Variants in PCP4 observed in about 807,000 individuals in gnomAD.
PCP4 encodes calmodulin regulator protein PCP4.
Under a neutral mutation model 10.0 loss-of-function variants are expected in PCP4, and 8 were observed. The ratio of observed to expected loss-of-function variants is 0.80; its 90% CI spans 0.47 to 1.45. PCP4 has a LOEUF of 1.45. Ranked by LOEUF, PCP4 falls within the 40% of genes most tolerant of loss-of-function variation. The pLI, the probability that PCP4 is intolerant of heterozygous loss-of-function variation, is 0.00. For synonymous variants in PCP4, 21 were observed against 23.0 expected (o/e 0.91, Z 0.24); for missense variants, 54 against 74.4 (o/e 0.73, Z 1.01).
intron 2 of PCP4, among the ~76,000 whole-genome samples, chr21:39,910,673 G>A (rs1226883366): frequency 1.3e-5 from 2 of 152,326 alleles, no homozygotes; most frequent in Admixed American, 6.5e-5. Flanking sequence ...TTTAGCATCC[G>A]ATTTTGGCTG....
intron 1 of PCP4, among the ~76,000 whole-genome samples, chr21:39,874,380 C>T (rs1318489508): frequency 1.3e-5 from 2 of 152,168 alleles, no homozygotes; most frequent in Non-Finnish European, 2.9e-5. Context: ...TCCAGATTGG[C>T]TTGAGATCAC....
At chr21:39,903,876 C>CAAAAAAAAAA (rs67572508) in intron 2 of PCP4, among the ~76,000 whole-genome samples, 30 of 95,576 alleles carry the variant, frequency 3.1e-4, no homozygotes, top group Non-Finnish European at 4.8e-4. Flanking sequence ...TCAAAAAAAA[C>CAAAAAAAAAA]AAAAAAAAAA....
At chr21:39,886,137 T>C (rs2087399615) in intron 1 of PCP4, among the ~76,000 whole-genome samples, 2 of 152,310 alleles carry the variant, frequency 1.3e-5, no homozygotes, top group South Asian at 4.1e-4. Flanking sequence ...TATCTTCCAA[T>C]AGGATGACAC....
At chr21:39,928,561 C>T (rs1313340171) in intron 2 of PCP4, among the ~76,000 whole-genome samples, 1 of 152,194 alleles carries the variant, frequency 6.6e-6, no homozygotes, top group East Asian at 1.9e-4. Flanking sequence ...CAGAATTATA[C>T]ACGGAAACTC....
intron 2 of PCP4, among the ~76,000 whole-genome samples, chr21:39,901,275 T>C (rs2087481250): frequency 6.6e-6 from 1 of 152,218 alleles, no homozygotes; most frequent in Non-Finnish European, 1.5e-5. Context: ...TTTTGATCTT[T>C]TGGGCTCCCT....
At chr21:39,896,439 C>T (rs532786953) in intron 1 of PCP4, among the ~76,000 whole-genome samples, 51 of 152,226 alleles carry the variant, frequency 3.4e-4, no homozygotes, top group Non-Finnish European at 6.0e-4. Flanking sequence ...GTGCAGCAAA[C>T]GTACGAGCCT....
chr21:39,869,829 T>A (rs555365137), intron 1 of PCP4, among the ~76,000 whole-genome samples: 8 of 152,330 alleles, frequency 5.3e-5, no homozygotes, highest in African/African-American at 1.7e-4. Flanking sequence ...TTTTAATAAC[T>A]CTCAGGCAGA....
At chr21:39,895,022 T>G (rs1404115538) in intron 1 of PCP4, among the ~76,000 whole-genome samples, 1 of 152,146 alleles carries the variant, frequency 6.6e-6, no homozygotes, top group Non-Finnish European at 1.5e-5. Context: ...CACCCATTTA[T>G]CTACTCATCT....
intron 2 of PCP4, among the ~76,000 whole-genome samples, chr21:39,927,117 T>C (rs995402023): frequency 1.3e-5 from 2 of 152,098 alleles, no homozygotes; most frequent in Non-Finnish European, 2.9e-5. Context: ...AGAGGATGAT[T>C]GAAGGGTCCC....
intron 1 of PCP4, among the ~76,000 whole-genome samples, chr21:39,880,142 ATATC>A (rs1472288931): frequency 5.5e-5 from 6 of 109,262 alleles, no homozygotes; most frequent in South Asian, 2.6e-4. Flanking sequence ...ATCTATATCT[ATATC>A]TATATCTATA....
intron 1 of PCP4, among the ~76,000 whole-genome samples, chr21:39,890,522 ATT>A (rs60378259): frequency 2.2e-4 from 31 of 142,838 alleles, no homozygotes; most frequent in Middle Eastern, 3.6e-3. Flanking sequence ...CACCCAGCTC[ATT>A]TTTTTTTTTT....
chr21:39,897,890 C>A lies in PCP4; in HGVS notation c.10-586C>A, dbSNP rs545016990. On this transcript the variant is annotated intron_variant, in intron 1 of 2. Transcript: ENST00000328619. The stretch of plus-strand genomic sequence containing the variant: ...CAAAACTCTGTCTCTACTAAAAATA[C>A]AAAAAATTAGCCGTACGTGGTCGTG... 1.4e-3 allele frequency among the ~76,000 whole-genome samples: 207 copies of A among 151,722 alleles called. 1 individual carries two copies. The highest frequency in any genetic ancestry group is 4.9e-3 in the African/African-American group (201 of 41,392).
At position 39,910,172 on chromosome 21, in the gene PCP4, C is replaced by T. The variant is rs374767549; in HGVS notation, c.61+11645C>T. ...CTGGCGTTCATTTAGACAGCAAAGTCTCCTCGGATGTCAGAGAGACACTTT... is the reference window on the plus strand; with the variant it reads ...CTGGCGTTCATTTAGACAGCAAAGTTTCCTCGGATGTCAGAGAGACACTTT... On this transcript the variant is annotated intron_variant, in intron 2 of 2. Coordinates refer to ENST00000328619, the MANE Select transcript of PCP4 (RefSeq NM_006198.3). Among the ~76,000 whole-genome samples the T allele has an allele frequency of 8.1e-4, 123 of 152,324 alleles. 3 individuals are homozygous for T. In the South Asian group the frequency reaches 0.025, roughly 31 times the overall value.
At chr21:39,913,697 C>A (rs2087552440) in intron 2 of PCP4, among the ~76,000 whole-genome samples, 1 of 152,186 alleles carries the variant, frequency 6.6e-6, no homozygotes, top group African/African-American at 2.4e-5. Context: ...GGGCGTCTAT[C>A]AGCTCAGCTG....
intron 1 of PCP4, among the ~76,000 whole-genome samples, chr21:39,885,823 G>A (rs147625069): frequency 6.6e-6 from 1 of 152,344 alleles, no homozygotes; most frequent in African/African-American, 2.4e-5. Flanking sequence ...TCTTTCCTAT[G>A]TTGCTGTCTG....
At chr21:39,903,882 A>C (rs867441267) in intron 2 of PCP4, among the ~76,000 whole-genome samples, 35 of 144,016 alleles carry the variant, frequency 2.4e-4, no homozygotes, top group East Asian at 7.8e-4. Context: ...AAAACAAAAA[A>C]AAAAAAAAAA....
At chr21:39,914,726 G>A (rs1383932779) in intron 2 of PCP4, among the ~76,000 whole-genome samples, 2 of 152,120 alleles carry the variant, frequency 1.3e-5, no homozygotes, top group African/African-American at 2.4e-5. Context: ...AAAATGTCCT[G>A]TAATTATGAT....
chr21:39,928,304 G>T (rs140535111), intron 2 of PCP4, among the ~76,000 whole-genome samples: 1 of 152,318 alleles, frequency 6.6e-6, no homozygotes, highest in Non-Finnish European at 1.5e-5. Flanking sequence ...CTGTGGTAAG[G>T]TATACAGCAC....
At chr21:39,871,691 A>G (rs35208560) in intron 1 of PCP4, among the ~76,000 whole-genome samples, 22,682 of 152,132 alleles carry the variant, frequency 0.15, 1,815 homozygotes, top group Middle Eastern at 0.21. Context: ...AATAGAGAAG[A>G]GGTCAAAATT....
Sources: allele counts gnomAD v4.1 joint callset (sites outside exome capture counted in the v4.1 genomes callset), GRCh38; gene constraint gnomAD v4.1.1; transcripts MANE v1.5; gene names NCBI Gene and HGNC (gene_info 2026-07-23, HGNC 2026-07-21).